MAGI1: variants seen among roughly 807,000 people sequenced by gnomAD.
The protein encoded by MAGI1 is membrane associated guanylate kinase, WW and PDZ domain containing 1, also known as membrane-associated guanylate kinase, WW and PDZ domain-containing protein 1.
A neutral mutation model predicts 139.9 loss-of-function variants in MAGI1; 58 were observed. That is an observed-to-expected ratio of 0.41 (90% CI 0.34 to 0.52). MAGI1 has a LOEUF of 0.52. MAGI1 is among the 20% of genes least tolerant of loss of function. The probability of loss-of-function intolerance (pLI) is 0.12; values close to 1 mark genes in which losing one functional copy is unlikely to be tolerated. For missense variants in MAGI1, 1,874 were observed against 1,901.6 expected, an observed-to-expected ratio of 0.99 and a Z score of 0.27; for synonymous variants, 812 against 737.9, an observed-to-expected ratio of 1.10 and a Z score of -1.63.
intron 1 of MAGI1, among the ~76,000 whole-genome samples, chr3:65,941,175 A>G (rs1446249463): frequency 1.3e-5 from 2 of 151,986 alleles, no homozygotes; most frequent in Non-Finnish European, 2.9e-5. Flanking sequence ...GTGAAACCCC[A>G]TCTCTACTAA....
chr3:65,740,537 G>A (rs1356404490), intron 1 of MAGI1, among the ~76,000 whole-genome samples: 2 of 152,206 alleles, frequency 1.3e-5, no homozygotes, highest in Non-Finnish European at 2.9e-5. Context: ...AGTGATAAGG[G>A]TGTCTGGCTG....
intron 1 of MAGI1, among the ~76,000 whole-genome samples, chr3:65,681,942 C>G (rs2087619714): frequency 1.3e-5 from 2 of 152,022 alleles, no homozygotes; most frequent in Admixed American, 1.3e-4. Context: ...TTCAAGCTAT[C>G]CTCCCACCTC....
At chr3:65,506,522 C>G (rs1306258789) in intron 2 of MAGI1, among the ~76,000 whole-genome samples, 4 of 152,158 alleles carry the variant, frequency 2.6e-5, no homozygotes, top group South Asian at 4.1e-4. Context: ...CATCCCTAAT[C>G]ACCATTTTTC....
chr3:65,390,945 C>G (rs948947185), intron 14 of MAGI1, among the ~76,000 whole-genome samples, 197 bp downstream of exon 14: 11 of 152,162 alleles, frequency 7.2e-5, no homozygotes, highest in African/African-American at 2.4e-4. Context: ...ACTTCTACCC[C>G]CTCCCCAAAG....
intron 2 of MAGI1, among the ~76,000 whole-genome samples, chr3:65,592,032 G>A (rs902069517): frequency 2.0e-5 from 3 of 152,220 alleles, no homozygotes; most frequent in African/African-American, 7.2e-5. Flanking sequence ...TACATGTACT[G>A]TTTTGATTTC....
chr3:65,759,065 C>CAAAAAA lies in MAGI1; in HGVS notation c.314-136983_314-136978dup, dbSNP rs200497203. ...GAAAGGAGAACTGTTAGGCCCAGTG[C>CAAAAAA]AAAAAAAAAAAAAAAAAAAAAAAAA... On this transcript the variant is annotated intron_variant, in intron 1 of 22. Coordinates refer to ENST00000402939, the MANE Select transcript of MAGI1 (RefSeq NM_001033057.2). Among the ~76,000 whole-genome samples, 170 of 73,084 alleles carry CAAAAAA rather than the reference C, an allele frequency of 2.3e-3. 7 individuals carry two copies. Among genetic ancestry groups the CAAAAAA allele is most frequent in the African/African-American group, 8.5e-3 (156 of 18,334 alleles). The allele number at this position is 73,084 out of a possible 152,430, so 47.9% of individuals were successfully genotyped here. A position where few individuals can be genotyped will look rare whatever the true frequency, so the allele number is the denominator to read the frequency against.
chr3:66,032,839 C>T (rs1386182071), intron 1 of MAGI1, among the ~76,000 whole-genome samples: 1 of 144,446 alleles, frequency 6.9e-6, no homozygotes, highest in Non-Finnish European at 1.5e-5. Context: ...TGCTTGAACC[C>T]GGGAGGCAAA....
intron 1 of MAGI1, among the ~76,000 whole-genome samples, chr3:65,866,934 G>A (rs1490383468): frequency 6.6e-6 from 1 of 152,202 alleles, no homozygotes; most frequent in African/African-American, 2.4e-5. Flanking sequence ...ACTGCTGCTG[G>A]CTGTCCCGGA....
At chr3:65,843,575 A>G (rs928387661) in intron 1 of MAGI1, among the ~76,000 whole-genome samples, 4 of 152,174 alleles carry the variant, frequency 2.6e-5, no homozygotes, top group Admixed American at 2.6e-4. Flanking sequence ...TTCCACAGCC[A>G]AGATTAAGAC....
At chr3:65,424,525 C>G (rs4481099) in intron 12 of MAGI1, among the ~76,000 whole-genome samples, 2 of 152,084 alleles carry the variant, frequency 1.3e-5, no homozygotes, top group African/African-American at 4.8e-5. Flanking sequence ...TCTGTGCAAA[C>G]TAGAAAGGAC....
At chr3:65,512,535 CAAATA>C (rs1323794167) in intron 2 of MAGI1, among the ~76,000 whole-genome samples, 189 of 152,030 alleles carry the variant, frequency 1.2e-3, no homozygotes, top group Non-Finnish European at 7.6e-4. Context: ...CACCTCTACG[CAAATA>C]AAATAGAAAA....
At position 66,017,893 on chromosome 3, in the gene MAGI1, A is replaced by C. The variant is rs60908070; in HGVS notation, c.313+20103T>G. On this transcript the variant is annotated intron_variant, in intron 1 of 22. Coordinates refer to ENST00000402939, the MANE Select transcript of MAGI1 (RefSeq NM_001033057.2). ...AAACACAAAGAAGGAGGCAGAAACC[A>C]TTAGAATAGTTAAACAATGAGAATG... 5.8e-3 allele frequency among the ~76,000 whole-genome samples: 886 copies of C among 152,094 alleles called. 10 individuals are homozygous for C. Among genetic ancestry groups the C allele is most frequent in the African/African-American group, 0.019 (804 of 41,560 alleles).
chr3:65,459,756 C>G (rs1249746537), intron 5 of MAGI1, among the ~76,000 whole-genome samples: 1 of 151,944 alleles, frequency 6.6e-6, no homozygotes, highest in Admixed American at 6.6e-5. Context: ...AACCCTGTCT[C>G]TATAAAAACT....
At chr3:65,508,387 G>A (rs1396196780) in intron 2 of MAGI1, among the ~76,000 whole-genome samples, 1 of 151,990 alleles carries the variant, frequency 6.6e-6, no homozygotes, top group South Asian at 2.1e-4. Flanking sequence ...CTGGGTGACA[G>A]AGTGAGACTC....
At chr3:65,430,337 G>A (rs1575716614) in intron 11 of MAGI1, among the ~76,000 whole-genome samples, 197 bp from the exon 12 acceptor site, 1 of 152,078 alleles carries the variant, frequency 6.6e-6, no homozygotes, top group Non-Finnish European at 1.5e-5. Flanking sequence ...CCCTGCTAAT[G>A]AGAATGTAAT....
chr3:65,619,777 C>T (rs1436401467), intron 2 of MAGI1: 2 of 836,228 alleles, frequency 2.4e-6, no homozygotes, highest in Non-Finnish European at 2.9e-6. Context: ...CACACACGCT[C>T]CACCAGACTC....
intron 2 of MAGI1, chr3:65,620,053 G>A: frequency 1.1e-6 from 1 of 925,590 alleles, no homozygotes; most frequent in Non-Finnish European, 1.3e-6. Context: ...TTAGCTCACA[G>A]TCAGGTCCAA....
chr3:65,779,976 T>C (rs187883521), intron 1 of MAGI1, among the ~76,000 whole-genome samples: 143 of 142,922 alleles, frequency 1.0e-3, no homozygotes, highest in African/African-American at 3.5e-3. Flanking sequence ...TTGACAAACT[T>C]GAAAAGGGGG....
chr3:65,516,381 T>A (rs969127372), intron 2 of MAGI1, among the ~76,000 whole-genome samples: 1 of 152,060 alleles, frequency 6.6e-6, no homozygotes, highest in Non-Finnish European at 1.5e-5. Flanking sequence ...GGTTTCACCA[T>A]GTTGGCCAGG....
Sources: allele counts gnomAD v4.1 joint callset (sites outside exome capture counted in the v4.1 genomes callset), GRCh38; gene constraint gnomAD v4.1.1; transcripts MANE v1.5; gene names NCBI Gene and HGNC (gene_info 2026-07-23, HGNC 2026-07-21).